The following CTNNBL1 variants were observed in gnomAD, a reference collection of about 807,000 sequenced individuals.
CTNNBL1 encodes the protein beta-catenin-like protein 1.
Under a neutral mutation model 72.7 loss-of-function variants are expected in CTNNBL1, and 31 were observed. The ratio of observed to expected loss-of-function variants is 0.43; its 90% CI spans 0.32 to 0.58. CTNNBL1 has a LOEUF of 0.58. Among genes scored for constraint, CTNNBL1 ranks in the 20% least tolerant of loss-of-function variants. CTNNBL1 has a pLI of 0.08. For missense variants in CTNNBL1, 534 were observed against 725.1 expected (o/e 0.74, Z 3.03); for synonymous variants, 240 against 267.3 (o/e 0.90, Z 1.00).
At chr20:37,728,032 C>T (rs767599435) in intron 1 of CTNNBL1, among the ~76,000 whole-genome samples, 4 of 152,124 alleles carry the variant, frequency 2.6e-5, no homozygotes, top group Non-Finnish European at 2.9e-5. Context: ...CAACTTTTTG[C>T]GTCCATATTT....
At chr20:37,724,198 G>A (rs529278879) in intron 1 of CTNNBL1, among the ~76,000 whole-genome samples, 1 of 152,286 alleles carries the variant, frequency 6.6e-6, no homozygotes, top group South Asian at 2.1e-4. Flanking sequence ...GTATTAGAAT[G>A]CTTTAAAATT....
chr20:37,740,567 T>C (rs2073207341), intron 3 of CTNNBL1, among the ~76,000 whole-genome samples: 1 of 152,232 alleles, frequency 6.6e-6, no homozygotes, highest in Admixed American at 6.5e-5. Context: ...AGTTCTTCTC[T>C]TCATTTTTGC....
At chr20:37,848,435 C>T (rs2072365590) in intron 13 of CTNNBL1, among the ~76,000 whole-genome samples, 1 of 152,102 alleles carries the variant, frequency 6.6e-6, no homozygotes, top group Non-Finnish European at 1.5e-5. Flanking sequence ...GAGTTACAGA[C>T]CTGAGCCACT....
chr20:37,772,348 GTTGTTGTTT>G (rs2073532761), intron 7 of CTNNBL1, among the ~76,000 whole-genome samples: 1 of 152,162 alleles, frequency 6.6e-6, no homozygotes, highest in South Asian at 2.1e-4. Flanking sequence ...TGTTGCTGTT[GTTGTTGTTT>G]TTGTTGTTTT....
chr20:37,764,811 A>T (rs1161200571), intron 5 of CTNNBL1, among the ~76,000 whole-genome samples: 15 of 152,164 alleles, frequency 9.9e-5, no homozygotes, highest in African/African-American at 1.4e-4. Flanking sequence ...GCTTGAATGA[A>T]CCGTTGACCT....
intron 5 of CTNNBL1, among the ~76,000 whole-genome samples, chr20:37,760,523 A>C (rs1409472520): frequency 6.6e-6 from 1 of 152,212 alleles, no homozygotes; most frequent in African/African-American, 2.4e-5. Flanking sequence ...TCTGTTTATA[A>C]GTTTGTCCTT....
intron 1 of CTNNBL1, among the ~76,000 whole-genome samples, chr20:37,702,802 A>C (rs929486982): frequency 3.9e-5 from 6 of 152,232 alleles, no homozygotes; most frequent in Non-Finnish European, 8.8e-5. Flanking sequence ...GTAGACTTAG[A>C]GGCAAGGACC....
At position 37,718,230 on chromosome 20, in the gene CTNNBL1, CG is replaced by C. The variant is rs1480522965; in HGVS notation, c.31-14643del. Among the ~76,000 whole-genome samples the C allele has an allele frequency of 1.2e-4, 17 of 144,528 alleles. 1 individual carries two copies. The highest frequency in any genetic ancestry group is 7.6e-4 in the Admixed American group (11 of 14,406). The allele number at this position is 144,528 out of a possible 152,430, so 94.8% of individuals were successfully genotyped here. On this transcript the variant is annotated intron_variant, in intron 1 of 15. Coordinates refer to ENST00000361383, the MANE Select transcript of CTNNBL1 (RefSeq NM_030877.5). The stretch of plus-strand genomic sequence containing the variant: ...CTCCGGGACGGGGCGGCTGGCCGGG[CG>C]GGGGGCTGACCCCCCCACCTCCCTC...
At chr20:37,753,970 A>T (rs1196661286) in intron 4 of CTNNBL1, among the ~76,000 whole-genome samples, 4 of 152,200 alleles carry the variant, frequency 2.6e-5, no homozygotes, top group African/African-American at 9.7e-5. Flanking sequence ...GTAAGGAAAT[A>T]AAGGGGCTTG....
At chr20:37,867,700 T>TGCACACACGCACACACGC (rs1555836041) in intron 15 of CTNNBL1, among the ~76,000 whole-genome samples, 3 of 152,012 alleles carry the variant, frequency 2.0e-5, no homozygotes, top group Non-Finnish European at 4.4e-5. Context: ...TACATACACA[T>TGCACACACGCACACACGC]GCACACACGC....
At chr20:37,736,844 G>T (rs887340908) in intron 2 of CTNNBL1, among the ~76,000 whole-genome samples, 1 of 152,120 alleles carries the variant, frequency 6.6e-6, no homozygotes, top group African/African-American at 2.4e-5. Context: ...CAGATAGTGG[G>T]CATTGTGTGA....
intron 7 of CTNNBL1, among the ~76,000 whole-genome samples, chr20:37,773,475 A>C (rs2073543655): frequency 1.3e-5 from 2 of 152,246 alleles, no homozygotes; most frequent in African/African-American, 4.8e-5. Flanking sequence ...GAAAGATTTA[A>C]GAGAGCCAGG....
At chr20:37,791,467 G>T (rs1156983482) in intron 10 of CTNNBL1, among the ~76,000 whole-genome samples, 1 of 152,156 alleles carries the variant, frequency 6.6e-6, no homozygotes, top group East Asian at 1.9e-4. Context: ...AATGATGTCA[G>T]GTGTCCTTCA....
intron 1 of CTNNBL1, among the ~76,000 whole-genome samples, chr20:37,716,691 A>G (rs2072989168): frequency 6.6e-6 from 1 of 152,178 alleles, no homozygotes; most frequent in South Asian, 2.1e-4. Context: ...AACACCAGAC[A>G]CTTCATTCAA....
intron 10 of CTNNBL1, among the ~76,000 whole-genome samples, chr20:37,787,639 C>T (rs1333054596): frequency 1.3e-5 from 2 of 152,178 alleles, no homozygotes; most frequent in Non-Finnish European, 2.9e-5. Flanking sequence ...CCACCGCGCC[C>T]GGCCCATAAC....
intron 10 of CTNNBL1, among the ~76,000 whole-genome samples, chr20:37,801,532 A>G (rs1568787157): frequency 6.6e-6 from 1 of 152,170 alleles, no homozygotes; most frequent in African/African-American, 2.4e-5. Flanking sequence ...AGAGGGAAAA[A>G]CACCTTTATT....
intron 1 of CTNNBL1, among the ~76,000 whole-genome samples, chr20:37,732,083 CT>C (rs1465483148): frequency 6.6e-6 from 1 of 152,190 alleles, no homozygotes; most frequent in Non-Finnish European, 1.5e-5. Flanking sequence ...TATCTTCTGT[CT>C]TTTTCATGAT....
intron 2 of CTNNBL1, among the ~76,000 whole-genome samples, chr20:37,734,149 G>T (rs541941893): frequency 6.6e-6 from 1 of 152,316 alleles, no homozygotes; most frequent in South Asian, 2.1e-4. Flanking sequence ...ATTACAAAAT[G>T]AGGTTGGCTG....
intron 1 of CTNNBL1, among the ~76,000 whole-genome samples, chr20:37,728,118 T>TA (rs2073100404): frequency 6.6e-6 from 1 of 152,204 alleles, no homozygotes; most frequent in Non-Finnish European, 1.5e-5. Context: ...GGAAATCCCC[T>TA]AGGCCTGTGC....
Sources: gnomAD v4.1 joint callset for allele counts (sites outside exome capture counted in the v4.1 genomes callset) on GRCh38, gnomAD v4.1.1 for gene constraint, MANE v1.5 for transcripts, NCBI Gene and HGNC (gene_info 2026-07-23, HGNC 2026-07-21) for gene names.